The following KSR1 variants were observed in gnomAD, a reference collection of about 807,000 sequenced individuals.
KSR1 encodes kinase suppressor of ras.
KSR1 carries 35 observed loss-of-function variants against 92.9 expected under a neutral mutation model. That is an observed-to-expected ratio of 0.38 (90% CI 0.29 to 0.50). The LOEUF (loss-of-function observed/expected upper bound fraction) is 0.50. Ranked by LOEUF, KSR1 falls within the 20% of genes least tolerant of loss-of-function variation. The pLI, the probability that KSR1 is intolerant of heterozygous loss-of-function variation, is 0.94. For missense variants in KSR1, 972 were observed against 1,158.5 expected (o/e 0.84, Z 2.34); for synonymous variants, 467 against 472.6 (o/e 0.99, Z 0.15).
chr17:27,506,505 A>G (rs2150991058), intron 1 of KSR1, among the ~76,000 whole-genome samples: 1 of 152,032 alleles, frequency 6.6e-6, no homozygotes, highest in East Asian at 1.9e-4. Context: ...GATTTGTCCA[A>G]CCTGTGTCTG....
chr17:27,609,602 C>T (rs1259401496), intron 16 of KSR1, among the ~76,000 whole-genome samples: 3 of 152,206 alleles, frequency 2.0e-5, no homozygotes, highest in Non-Finnish European at 4.4e-5. Context: ...CATTTCCCCA[C>T]GATGAGGAAG....
chr17:27,465,400 G>C (rs1231091539), intron 1 of KSR1: 1 of 152,024 alleles, frequency 6.6e-6, no homozygotes, highest in African/African-American at 2.4e-5. Context: ...TGTGTTTAAG[G>C]CCGGGCACAG....
At position 27,457,949 on chromosome 17, in the gene KSR1, A is replaced by T. The variant is rs190032368; in HGVS notation, c.231+1075A>T. Among the ~76,000 whole-genome samples the T allele has an allele frequency of 8.0e-4, 95 of 118,068 alleles. 1 individual carries two copies. The highest frequency in any genetic ancestry group is 3.1e-3 in the African/African-American group (95 of 30,402). 77.5% of individuals were successfully genotyped at this position (118,068 alleles called of 152,430 possible). A position where few individuals can be genotyped will look rare whatever the true frequency, so the allele number is the denominator to read the frequency against. ...TTGCTAATTGCCTCTGCCAGCTGTC[A>T]TAAGGCCCTCTGTGATCGCGGTAAT... On this transcript the variant is annotated intron_variant, in intron 1 of 20. Coordinates refer to ENST00000644974, the MANE Select transcript of KSR1 (RefSeq NM_001394583.1).
At chr17:27,539,492 C>T (rs2070879867) in intron 1 of KSR1, among the ~76,000 whole-genome samples, 1 of 152,224 alleles carries the variant, frequency 6.6e-6, no homozygotes. Flanking sequence ...TGTGCGGACA[C>T]ATCTGTTCCC....
intron 1 of KSR1, among the ~76,000 whole-genome samples, chr17:27,502,813 A>G (rs2069239020): frequency 6.6e-6 from 1 of 152,228 alleles, no homozygotes; most frequent in African/African-American, 2.4e-5. Context: ...GTCTGGGGCC[A>G]GGATGACCTT....
chr17:27,479,976 T>C (rs1007935117), intron 1 of KSR1, among the ~76,000 whole-genome samples: 1 of 152,174 alleles, frequency 6.6e-6, no homozygotes, highest in Admixed American at 6.5e-5. Context: ...TGTCTGAATG[T>C]AAATAGGAAT....
chr17:27,526,064 T>C (rs9909943), intron 1 of KSR1, among the ~76,000 whole-genome samples: 30 of 112,690 alleles, frequency 2.7e-4, no homozygotes, highest in South Asian at 1.2e-3. Context: ...CTCTCTCTCT[T>C]TCTTTCTCTT....
intron 2 of KSR1, among the ~76,000 whole-genome samples, chr17:27,570,807 C>T (rs1337173262): frequency 6.6e-6 from 1 of 152,160 alleles, no homozygotes; most frequent in African/African-American, 2.4e-5. Flanking sequence ...CTGCCTTAGC[C>T]AGACTTTGGG....
chr17:27,604,202 A>G (rs1454058709), intron 12 of KSR1, among the ~76,000 whole-genome samples: 7 of 152,226 alleles, frequency 4.6e-5, no homozygotes, highest in Admixed American at 2.0e-4. Context: ...CTACCAGGCC[A>G]TGCTGAGCAC....
intron 1 of KSR1, among the ~76,000 whole-genome samples, chr17:27,467,251 G>A (rs1376904696): frequency 6.6e-6 from 1 of 152,222 alleles, no homozygotes; most frequent in Admixed American, 6.5e-5. Flanking sequence ...TGGAAAATCT[G>A]TTAGCATAGG....
Position 27,597,273 on chromosome 17 carries a change from C to A in KSR1, c.1305C>A (p.His435Gln). The A allele has an allele frequency of 1.3e-6, 2 of 1,586,138 alleles. No individual in the cohort carries two copies. Among genetic ancestry groups the A allele is most frequent in the Non-Finnish European group, 1.7e-6 (2 of 1,166,942 alleles). The part of the protein sequence containing the change: ...TLPKALTKKE[H>Q]PPAMNHLDSS... ...CAACATCTCTGGTCCTGCAGGAGCA[C>A]CCTCCGGCCATGAATCACCTGGACT... Residue 435 changes from histidine to glutamine, a missense_variant, in exon 10 of 21, where the codon CAC becomes CAA. By Grantham distance (24) the His-to-Gln change is conservative. Coordinates refer to ENST00000644974, the MANE Select transcript of KSR1 (RefSeq NM_001394583.1).
At chr17:27,499,862 AG>A (rs2069115440) in intron 1 of KSR1, among the ~76,000 whole-genome samples, 1 of 152,212 alleles carries the variant, frequency 6.6e-6, no homozygotes, top group Non-Finnish European at 1.5e-5. Flanking sequence ...TCTGTTTGGA[AG>A]GGTGTCAAAG....
At chr17:27,594,115 A>G (rs928047466) in intron 9 of KSR1, among the ~76,000 whole-genome samples, 2 of 151,370 alleles carry the variant, frequency 1.3e-5, no homozygotes, top group South Asian at 2.1e-4. Flanking sequence ...TTGAGTTCCA[A>G]CTCCTCTCTT....
At chr17:27,618,889 T>A (rs374130670) in intron 19 of KSR1, among the ~76,000 whole-genome samples, 56 of 151,964 alleles carry the variant, frequency 3.7e-4, no homozygotes, top group African/African-American at 1.3e-3. Context: ...AGAGATGAGG[T>A]CTCACTATGT....
chr17:27,582,201 C>G (rs1451157882), intron 3 of KSR1, among the ~76,000 whole-genome samples: 3 of 152,138 alleles, frequency 2.0e-5, no homozygotes, highest in African/African-American at 7.2e-5. Flanking sequence ...AACAGAGATC[C>G]AGGTTGAGTA....
At chr17:27,485,044 G>T (rs1189339472) in intron 1 of KSR1, among the ~76,000 whole-genome samples, 1 of 152,162 alleles carries the variant, frequency 6.6e-6, no homozygotes, top group East Asian at 1.9e-4. Context: ...AGGGTTATTG[G>T]TCAAGCCTGG....
At chr17:27,515,220 A>AG (rs1403760844) in intron 1 of KSR1, among the ~76,000 whole-genome samples, 1 of 152,254 alleles carries the variant, frequency 6.6e-6, no homozygotes, top group Non-Finnish European at 1.5e-5. Flanking sequence ...TTTTAATTGC[A>AG]GTCATGTGCC....
intron 1 of KSR1, among the ~76,000 whole-genome samples, chr17:27,536,167 G>T (rs2070744132): frequency 6.6e-6 from 1 of 152,210 alleles, no homozygotes; most frequent in African/African-American, 2.4e-5. Context: ...CCTGTGGGCT[G>T]AGTGCCCTTT....
rs113013020 is a variant in KSR1 at position 27,599,912 on chromosome 17, G to T, written c.1469-1448G>T. The stretch of plus-strand genomic sequence containing the variant: ...CTTTTTTGTTAACTAAGACACACAC[G>T]CTAGCCTAGGCCTGTGCAGCCTCAG... On this transcript the variant is annotated intron_variant, in intron 10 of 20. Coordinates refer to ENST00000644974, the MANE Select transcript of KSR1 (RefSeq NM_001394583.1). Among the ~76,000 whole-genome samples, 146 of 151,266 alleles carry T rather than the reference G, an allele frequency of 9.7e-4. 2 individuals are homozygous for T. Among genetic ancestry groups the T allele is most frequent in the African/African-American group, 3.5e-3 (143 of 41,168 alleles).
Sources: gnomAD v4.1 joint callset for allele counts (sites outside exome capture counted in the v4.1 genomes callset) on GRCh38, gnomAD v4.1.1 for gene constraint, MANE v1.5 for transcripts, NCBI Gene and HGNC (gene_info 2026-07-23, HGNC 2026-07-21) for gene names.